The following TSR1 variants were observed in gnomAD, a reference collection of about 807,000 sequenced individuals.
TSR1 encodes the protein TSR1 ribosome maturation factor.
TSR1 carries 81 observed loss-of-function variants against 90.9 expected under a neutral mutation model. The observed-to-expected ratio is 0.89, with a 90% confidence interval of 0.74 to 1.07. The LOEUF is 1.07. Among genes scored for constraint, TSR1 ranks in the 50% least tolerant of loss-of-function variants. TSR1 has a pLI of 0.00. For missense variants in TSR1, 989 were observed against 987.3 expected (o/e 1.00, Z -0.02); for synonymous variants, 362 against 348.8 (o/e 1.04, Z -0.42).
In TSR1 at chr17:2,333,087, G is replaced by A; in HGVS notation, c.1179C>T (p.Val393=). Residue 393 remains valine (V), a synonymous_variant, in exon 7 of 15, where the codon GTC becomes GTT. Coordinates refer to ENST00000301364, the MANE Select transcript of TSR1 (RefSeq NM_018128.5). ...LKESSKVVKK[V]PKGTSSYQAE... is the part of the protein sequence containing the mutation. ...CTTGGTAACTGGATGTTCCTTTGGGGACCTTCTTTACCACCTTAGAACTTT... is the reference window on the plus strand; with the variant it reads ...CTTGGTAACTGGATGTTCCTTTGGGAACCTTCTTTACCACCTTAGAACTTT... 6.2e-7 allele frequency: 1 copy of A among 1,614,038 alleles called. No individual in the cohort carries two copies. Among genetic ancestry groups the A allele is most frequent in the Non-Finnish European group, 8.5e-7 (1 of 1,179,992 alleles).
chr17:2,324,763 C>T lies in TSR1; in HGVS notation c.2087G>A (p.Arg696Lys). The change falls in exon 13 of 15, where the codon AGA becomes AAA. Residue 696 changes from arginine (R) to lysine (K), a missense_variant. By Grantham distance (26) the Arg-to-Lys change is conservative. Transcript: ENST00000301364. ...SVDPDRMVIK[R>K]VVLSGHPFKI... ...GAAAGGATGACCACTCAGAACAACT[C>T]TCTTGATGACCATTCTGTCTGGATC... 4.3e-6 allele frequency: 7 copies of T among 1,614,244 alleles called. No individual in the cohort carries two copies. The highest frequency in any genetic ancestry group is 5.9e-6 in the Non-Finnish European group (7 of 1,180,042).
At position 2,323,023 on chromosome 17, in the gene TSR1, C is replaced by A. The variant is rs2075546341; in HGVS notation, c.*1173G>T. ...CAGCTGATCCACCCGCCTCGGGCTC[C>A]CAAAGTGTTGGGATTACAGGTGTGA... On this transcript the variant is annotated 3_prime_UTR_variant, in exon 15 of 15. Transcript: ENST00000301364. 8.8e-7 allele frequency: 1 copy of A among 1,141,632 alleles called. No homozygotes were observed. The highest frequency in any genetic ancestry group is 1.3e-6 in the Non-Finnish European group (1 of 785,680). The allele number at this position is 1,141,632 out of a possible 1,614,324, so 70.7% of individuals were successfully genotyped here.
rs755269137 is a variant in TSR1, at chr17:2,330,983, A to G, written c.1623T>C (p.Phe541=). 8 of 1,604,502 alleles carry G rather than the reference A, an allele frequency of 5.0e-6. No individual in the cohort carries two copies. The highest frequency in any genetic ancestry group is 4.0e-5 in the African/African-American group (3 of 74,268). The change falls in exon 9 of 15, where the codon TTT becomes TTC. Residue 541 remains phenylalanine (F), a synonymous_variant. Transcript: ENST00000301364. ...QNFTNTRKSI[F]KEVEEKEVEG... ...CAACCTCTTTTTCTTCAACCTCTTTAAAGATGCTTTTCCTAGTGTTAGTAA... is the reference window on the plus strand; with the variant it reads ...CAACCTCTTTTTCTTCAACCTCTTTGAAGATGCTTTTCCTAGTGTTAGTAA...
chr17:2,332,129 T>C, intron 8 of TSR1, 40 bp downstream of exon 8: 2 of 1,591,970 alleles, frequency 1.3e-6, no homozygotes, highest in Non-Finnish European at 1.7e-6. Context: ...TAAAAACGTA[T>C]TGACTGAATT....
At position 2,333,039 on chromosome 17, in the gene TSR1, G is replaced by A. The variant is rs1283500243; in HGVS notation, c.1227C>T (p.Gly409=). The A allele has an allele frequency of 1.2e-6, 2 of 1,614,060 alleles. No homozygotes were observed. The highest frequency in any genetic ancestry group is 1.7e-6 in the Non-Finnish European group (2 of 1,180,006). The change falls in exon 7 of 15, where the codon GGC becomes GGT. Residue 409 remains glycine (G), a synonymous_variant. Transcript: ENST00000301364. ...SYQAEWILDG[G]SQSGGEGDEY... ...CATCTCCTTCCCCACCACTTTGGCT[G>A]CCACCATCCAAAATCCATTCAGCTT...
chr17:2,323,704 C>T lies in TSR1; in HGVS notation c.*492G>A. 7 of 1,614,208 alleles carry T rather than the reference C, an allele frequency of 4.3e-6. No homozygotes were observed. The highest frequency in any genetic ancestry group is 1.3e-5 in the African/African-American group (1 of 75,062). On this transcript the variant is annotated 3_prime_UTR_variant, in exon 15 of 15. Transcript: ENST00000301364. ...AGGATGAAACTACTCATTGAACCTA[C>T]AGCTGGTGTTGGAGTGGCTGCTGTG...
At chr17:2,335,148 T>G in intron 4 of TSR1, 112 bp downstream of exon 4, 1 of 1,243,054 alleles carries the variant, frequency 8.0e-7, no homozygotes, top group Non-Finnish European at 1.1e-6. Flanking sequence ...TTAATCCATA[T>G]GTGTACATCC....
At chr17:2,332,405 C>A in intron 7 of TSR1, 46 bp from the exon 8 acceptor site, 1 of 1,509,496 alleles carries the variant, frequency 6.6e-7, no homozygotes, top group Non-Finnish European at 8.9e-7. Flanking sequence ...CCACACCTGT[C>A]TCTACCCCAA....
chr17:2,322,933 T>C lies in TSR1; in HGVS notation c.*1263A>G. 5.5e-6 allele frequency: 3 copies of C among 547,356 alleles called. No individual in the cohort carries two copies. The highest frequency in any genetic ancestry group is 5.1e-4 in the Middle Eastern group (1 of 1,968). The allele number at this position is 547,356 out of a possible 1,614,324, so 33.9% of individuals were successfully genotyped here. A position where few individuals can be genotyped will look rare whatever the true frequency, so the allele number is the denominator to read the frequency against. Reference sequence around the variant, plus strand: ...GGGTCTGCCACCACGCCTGGCTGATTTTCCTATTTTTAGTTGACACTGCAT... The same window carrying C: ...GGGTCTGCCACCACGCCTGGCTGATCTTCCTATTTTTAGTTGACACTGCAT... On this transcript the variant is annotated 3_prime_UTR_variant, in exon 15 of 15. Transcript: ENST00000301364.
In TSR1 at chr17:2,330,990, C is replaced by T. The variant is rs939002800; in HGVS notation, c.1616G>A (p.Ser539Asn). The T allele has an allele frequency of 6.2e-7, 1 of 1,606,582 alleles. No homozygotes were observed. The highest frequency in any genetic ancestry group is 8.5e-7 in the Non-Finnish European group (1 of 1,178,140). Residue 539 changes from serine to asparagine, a missense_variant, in exon 9 of 15, where the codon AGC becomes AAC. Ser to Asn is a conservative substitution (Grantham distance 46). Transcript: ENST00000301364. ...QFQNFTNTRK[S>N]IFKEVEEKEV... ...TTTTTCTTCAACCTCTTTAAAGATG[C>T]TTTTCCTAGTGTTAGTAAAGTTCTG...
chr17:2,330,946 C>A lies in TSR1; in HGVS notation c.1659+1G>T. ...ACAAGATGAACAAGGAGGATAGATA[C>A]CTCAGCTCCTTCAACCTCTTTTTCT... On this transcript the variant is annotated splice_donor_variant, in intron 9 of 14. Transcript: ENST00000301364. LOFTEE classifies it high-confidence loss of function. 2 of 1,583,628 alleles carry A rather than the reference C, an allele frequency of 1.3e-6. No individual in the cohort carries two copies. The highest frequency in any genetic ancestry group is 1.7e-6 in the Non-Finnish European group (2 of 1,169,930).
intron 11 of TSR1, among the ~76,000 whole-genome samples, chr17:2,327,416 CAAAA>C (rs770269783): frequency 7.9e-6 from 1 of 126,610 alleles, no homozygotes; most frequent in Non-Finnish European, 1.7e-5. Context: ...GACTCTATAT[CAAAA>C]AAAAAAAAAA....
At chr17:2,325,160 ATGTT>A (rs1168169783) in intron 12 of TSR1, 140 bp downstream of exon 12, 1 of 673,714 alleles carries the variant, frequency 1.5e-6, no homozygotes, top group Non-Finnish European at 2.5e-6. Context: ...TCTATTAACA[ATGTT>A]AAATGAAGAC....
chr17:2,332,059 G>A (rs1053616597), intron 8 of TSR1, 110 bp downstream of exon 8: 9 of 1,220,234 alleles, frequency 7.4e-6, no homozygotes, highest in Non-Finnish European at 9.3e-6. Flanking sequence ...CTCTTCAGGA[G>A]CAGAAAAAAT....
At chr17:2,333,350 T>C (rs2064021389) in intron 6 of TSR1, 2 of 869,276 alleles carry the variant, frequency 2.3e-6, no homozygotes, top group African/African-American at 1.7e-5. Context: ...CTGTTCATGA[T>C]AAAACATTAA....
intron 8 of TSR1, 90 bp downstream of exon 8, chr17:2,332,079 T>C: frequency 6.8e-7 from 1 of 1,472,706 alleles, no homozygotes; most frequent in Non-Finnish European, 9.2e-7. Context: ...TGTGTTTTTC[T>C]TCTTTTGCAT....
chr17:2,328,272 C>T (rs1037121169), intron 11 of TSR1, among the ~76,000 whole-genome samples: 21 of 148,264 alleles, frequency 1.4e-4, no homozygotes, highest in Non-Finnish European at 1.5e-5. Flanking sequence ...AGAGGCCAGG[C>T]ACATTGGCTC....
Position 2,323,181 on chromosome 17 carries a change from G to A in TSR1, c.*1015C>T. On this transcript the variant is annotated 3_prime_UTR_variant, in exon 15 of 15. Transcript: ENST00000301364. The stretch of plus-strand genomic sequence containing the variant: ...GGTATATGCTGCTGAACCCTCAAAT[G>A]CAGATGACTGCTACCAGTCCAAGCT... 4 of 1,614,192 alleles carry A rather than the reference G, an allele frequency of 2.5e-6. No homozygotes were observed. The highest frequency in any genetic ancestry group is 3.4e-6 in the Non-Finnish European group (4 of 1,180,028).
intron 12 of TSR1, chr17:2,325,032 G>C (rs1018688190): frequency 1.6e-6 from 1 of 623,724 alleles, no homozygotes. Context: ...GAGAAATGAT[G>C]TATAACAAAA....
Sources: allele counts gnomAD v4.1 joint callset (sites outside exome capture counted in the v4.1 genomes callset), GRCh38; gene constraint gnomAD v4.1.1; transcripts MANE v1.5; gene names NCBI Gene and HGNC (gene_info 2026-07-23, HGNC 2026-07-21).